TRPV4: variants seen among roughly 807,000 people sequenced by gnomAD.
TRPV4 encodes OSM9-like transient receptor potential channel 4.
A neutral mutation model predicts 84.1 loss-of-function variants in TRPV4; 58 were observed. The observed-to-expected ratio is 0.69, with a 90% confidence interval of 0.56 to 0.86. TRPV4 has a LOEUF of 0.86. TRPV4 is among the 40% of genes least tolerant of loss of function. The pLI, the probability that TRPV4 is intolerant of heterozygous loss-of-function variation, is 0.00. For synonymous variants in TRPV4, 489 were observed against 500.9 expected (o/e 0.98, Z 0.32); for missense variants, 879 against 1,181.1 (o/e 0.74, Z 3.75).
intron 2 of TRPV4, among the ~76,000 whole-genome samples, chr12:109,809,879 G>A (rs1321548072): frequency 6.6e-6 from 1 of 152,222 alleles, no homozygotes; most frequent in Non-Finnish European, 1.5e-5. Flanking sequence ...AGACAAATGA[G>A]GCCATGCTCA....
rs1891293343 is a variant in TRPV4 at position 109,808,590 on chromosome 12, G to A, written c.387-122C>T. ...GGCAGCTGAAGCCTTACAAGGAACA[G>A]GGTGAGGTAGTTGGGGCAGATGTAA... is the stretch of plus-strand genomic sequence containing the variant. On this transcript the variant is annotated intron_variant, in intron 2 of 15. Coordinates refer to ENST00000261740, the MANE Select transcript of TRPV4 (RefSeq NM_021625.5). The A allele has an allele frequency of 3.4e-6, 3 of 882,398 alleles. No homozygotes were observed. In the Admixed American group the frequency reaches 8.4e-5, roughly 25 times the overall value. 54.7% of individuals were successfully genotyped at this position (882,398 alleles called of 1,614,324 possible).
At position 109,803,604 on chromosome 12, in the gene TRPV4, C is replaced by G. The variant is rs1420899528; in HGVS notation, c.560-461G>C. On this transcript the variant is annotated intron_variant, in intron 3 of 15. Transcript: ENST00000261740. Reference sequence around the variant, plus strand: ...TAGCAGCTAAGACTACAGGTGTGCACCTCCATGCTCAACTAATTTTTTAAT... The same window carrying G: ...TAGCAGCTAAGACTACAGGTGTGCAGCTCCATGCTCAACTAATTTTTTAAT... Among the ~76,000 whole-genome samples, 6 of 151,898 alleles carry G rather than the reference C, an allele frequency of 4.0e-5. No individual in the cohort carries two copies. The East Asian group carries it at 1.2e-3, about 29-fold the overall frequency.
chr12:109,798,535 TACCAGCAGCAG>T lies in TRPV4; in HGVS notation c.1152+68_1152+78del. On this transcript the variant is annotated intron_variant, in intron 6 of 15. Coordinates refer to ENST00000261740, the MANE Select transcript of TRPV4 (RefSeq NM_021625.5). The surrounding 1 kb of genome is among the most constrained non-coding windows in gnomAD (Gnocchi z 5.0). ...GGTGCATGCACGTATTAATAATGAATACCAGCAGCAGACCCTCGTGTGTGTGTGCAGAGGGG... is the reference window on the plus strand; with the variant it reads ...GGTGCATGCACGTATTAATAATGAATACCCTCGTGTGTGTGTGCAGAGGGG... 6.4e-7 allele frequency: 1 copy of T among 1,561,868 alleles called. No homozygotes were observed. The highest frequency in any genetic ancestry group is 8.7e-7 in the Non-Finnish European group (1 of 1,149,614).
At chr12:109,795,486 T>G (rs12578919) in intron 7 of TRPV4, among the ~76,000 whole-genome samples, 19,508 of 152,210 alleles carry the variant, frequency 0.13, 1,606 homozygotes, top group African/African-American at 0.22. Context: ...TGCTCCATTT[T>G]TATAGCTTCC....
At position 109,814,348 on chromosome 12, in the gene TRPV4, A is replaced by T; in HGVS notation, c.386+63T>A. On this transcript the variant is annotated intron_variant, in intron 2 of 15. Transcript: ENST00000261740. This position sits in a 1 kb window ranked among gnomAD's most constrained non-coding sequence, Gnocchi z 5.4. ...GGGTGGATAATAGATAGAGGGGTGGATGATGAATGGGTGAATGGATACAGA... is the reference window on the plus strand; with the variant it reads ...GGGTGGATAATAGATAGAGGGGTGGTTGATGAATGGGTGAATGGATACAGA... The T allele has an allele frequency of 1.3e-6, 2 of 1,570,326 alleles. No individual in the cohort carries two copies. Among genetic ancestry groups the T allele is most frequent in the Non-Finnish European group, 1.7e-6 (2 of 1,151,346 alleles).
At chr12:109,821,928 A>C (rs1488439188) in intron 1 of TRPV4, among the ~76,000 whole-genome samples, 1 of 152,178 alleles carries the variant, frequency 6.6e-6, no homozygotes, top group East Asian at 1.9e-4. Flanking sequence ...CCCAGCATTC[A>C]GCATGGTGCT....
chr12:109,801,608 T>G (rs1211539223), intron 4 of TRPV4, among the ~76,000 whole-genome samples: 1 of 152,162 alleles, frequency 6.6e-6, no homozygotes, highest in African/African-American at 2.4e-5. Flanking sequence ...TCTTGGGCAG[T>G]TCTTTATAGC....
At chr12:109,809,061 T>C (rs1891339355) in intron 2 of TRPV4, among the ~76,000 whole-genome samples, 1 of 123,034 alleles carries the variant, frequency 8.1e-6, no homozygotes, top group Non-Finnish European at 1.7e-5. Flanking sequence ...CATCCATCAC[T>C]CATCCATCCA....
At chr12:109,818,240 G>A (rs895972619) in intron 1 of TRPV4, among the ~76,000 whole-genome samples, 3 of 152,122 alleles carry the variant, frequency 2.0e-5, no homozygotes, top group Non-Finnish European at 4.4e-5. Context: ...TCCCCACCAG[G>A]AAGCTCGGCC....
At chr12:109,788,001 G>A (rs565161940) in intron 13 of TRPV4, among the ~76,000 whole-genome samples, 201 of 152,222 alleles carry the variant, frequency 1.3e-3, no homozygotes, top group Non-Finnish European at 2.3e-3. Context: ...ACCCCCATGA[G>A]AATGCTGACA....
intron 3 of TRPV4, 74 bp downstream of exon 3, chr12:109,808,222 A>C: frequency 6.4e-7 from 1 of 1,562,982 alleles, no homozygotes; most frequent in Non-Finnish European, 8.7e-7. Context: ...GCTGAGGGGA[A>C]AGGGGGCCCC....
chr12:109,783,531 AG>A lies in TRPV4; in HGVS notation c.*89del. 2 of 1,516,826 alleles carry A rather than the reference AG, an allele frequency of 1.3e-6. No homozygotes were observed. The highest frequency in any genetic ancestry group is 1.8e-6 in the Non-Finnish European group (2 of 1,122,182). 94.0% of individuals were successfully genotyped at this position (1,516,826 alleles called of 1,614,324 possible). On this transcript the variant is annotated 3_prime_UTR_variant, in exon 16 of 16. Coordinates refer to ENST00000261740, the MANE Select transcript of TRPV4 (RefSeq NM_021625.5). The surrounding 1 kb of genome is among the most constrained non-coding windows in gnomAD (Gnocchi z 4.6). ...GGTCCCTCGCCTCTGGGGCCAAAGC[AG>A]GGTGTGGGGGGACACCCCAGAAGGC...
At chr12:109,806,529 C>A (rs898765819) in intron 3 of TRPV4, among the ~76,000 whole-genome samples, 24 of 151,472 alleles carry the variant, frequency 1.6e-4, no homozygotes, top group African/African-American at 5.6e-4. Context: ...CTGATGGACA[C>A]AATGATACTG....
chr12:109,817,612 C>T (rs919089984), intron 1 of TRPV4, among the ~76,000 whole-genome samples: 9 of 152,194 alleles, frequency 5.9e-5, no homozygotes, highest in Non-Finnish European at 8.8e-5. Flanking sequence ...GTGTGGCCTT[C>T]GGCAAGTCAC....
At chr12:109,821,742 G>T (rs1052634234) in intron 1 of TRPV4, among the ~76,000 whole-genome samples, 11 of 152,032 alleles carry the variant, frequency 7.2e-5, no homozygotes, top group African/African-American at 2.4e-4. Flanking sequence ...ATGTTGGTCA[G>T]TCTGGTCTTG....
intron 1 of TRPV4, among the ~76,000 whole-genome samples, chr12:109,817,274 C>A (rs1891897152): frequency 6.6e-6 from 1 of 152,146 alleles, no homozygotes; most frequent in African/African-American, 2.4e-5. Context: ...GCCCTGTCCA[C>A]CTCACTGGGG....
rs768966296 is a variant in TRPV4 at position 109,798,252 on chromosome 12, G to A, written c.1152+362C>T. On this transcript the variant is annotated intron_variant, in intron 6 of 15. Transcript: ENST00000261740. This position sits in a 1 kb window ranked among gnomAD's most constrained non-coding sequence, Gnocchi z 5.0. ...AACCCTTCTCCAGGCCCCATGCTGCGCGGCCCAGAAAAGGGAAGGAACTGG... is the reference window on the plus strand; with the variant it reads ...AACCCTTCTCCAGGCCCCATGCTGCACGGCCCAGAAAAGGGAAGGAACTGG... Among the ~76,000 whole-genome samples, 5 of 152,108 alleles carry A rather than the reference G, an allele frequency of 3.3e-5. No homozygotes were observed. The highest frequency in any genetic ancestry group is 2.1e-4 in the South Asian group (1 of 4,830).
chr12:109,827,605 A>G (rs1892291393), intron 1 of TRPV4, among the ~76,000 whole-genome samples: 1 of 151,964 alleles, frequency 6.6e-6, no homozygotes, highest in Non-Finnish European at 1.5e-5. Flanking sequence ...TTACACACAT[A>G]TACACATACA....
In TRPV4 at chr12:109,783,260, A is replaced by G; in HGVS notation, c.*361T>C. Reference sequence around the variant, plus strand: ...GGCTGAGGCTGGGGCTTGGCCGGGCAGTGCACTTGGAACGGGGTCCTAAGG... The same window carrying G: ...GGCTGAGGCTGGGGCTTGGCCGGGCGGTGCACTTGGAACGGGGTCCTAAGG... On this transcript the variant is annotated 3_prime_UTR_variant, in exon 16 of 16. Transcript: ENST00000261740. The surrounding 1 kb of genome is among the most constrained non-coding windows in gnomAD (Gnocchi z 4.6). 4.2e-6 allele frequency: 1 copy of G among 236,840 alleles called. No homozygotes were observed. Among genetic ancestry groups the G allele is most frequent in the Non-Finnish European group, 8.2e-6 (1 of 121,896 alleles). The allele number at this position is 236,840 out of a possible 1,614,324, so 14.7% of individuals were successfully genotyped here. A position where few individuals can be genotyped will look rare whatever the true frequency, so the allele number is the denominator to read the frequency against.
Sources: gnomAD v4.1 joint callset for allele counts (sites outside exome capture counted in the v4.1 genomes callset) on GRCh38, gnomAD v4.1.1 for gene constraint, Gnocchi (gnomAD v3.1) non-coding constraint, MANE v1.5 for transcripts, NCBI Gene and HGNC (gene_info 2026-07-23, HGNC 2026-07-21) for gene names.